LGSN: variants seen among roughly 807,000 people sequenced by gnomAD.
The protein encoded by LGSN is lengsin.
LGSN carries 21 observed loss-of-function variants against 19.5 expected under a neutral mutation model. The observed-to-expected ratio is 1.07, with a 90% confidence interval of 0.76 to 1.55. LGSN has a LOEUF of 1.55. LGSN is among the 40% of genes most tolerant of loss of function. The probability of loss-of-function intolerance (pLI) is 0.00; values close to 1 mark genes in which losing one functional copy is unlikely to be tolerated. For missense variants in LGSN, 673 were observed against 608.5 expected, an observed-to-expected ratio of 1.11 and a Z score of -1.12; for synonymous variants, 257 against 215.6, an observed-to-expected ratio of 1.19 and a Z score of -1.68.
At chr6:63,325,612 G>A in the LGSN span, among the ~76,000 whole-genome samples, 6 of 152,320 alleles carry the variant, frequency 3.9e-5, no homozygotes, top group South Asian at 6.2e-4. Context: ...TCCGGAATTG[G>A]TGGGTTCTGG....
At chr6:63,502,504 A>G in the LGSN span, among the ~76,000 whole-genome samples, 3 of 152,334 alleles carry the variant, frequency 2.0e-5, no homozygotes, top group East Asian at 5.8e-4. Flanking sequence ...CACCACCAAA[A>G]AAGTGCATTA....
chr6:63,384,171 T>C, the LGSN span, among the ~76,000 whole-genome samples: 1 of 152,206 alleles, frequency 6.6e-6, no homozygotes, highest in Non-Finnish European at 1.5e-5. Context: ...TTTTCCATGC[T>C]TGAAGGGCCC....
the LGSN span, among the ~76,000 whole-genome samples, chr6:63,543,316 CT>C: frequency 6.6e-6 from 1 of 152,198 alleles, no homozygotes; most frequent in South Asian, 2.1e-4. Flanking sequence ...GATCTGAAAA[CT>C]TATTTTTCTT....
intron 3 of LGSN, 115 bp from the exon 4 acceptor site, chr6:63,281,335 A>ATAAATAT (rs1554170069): frequency 6.9e-6 from 1 of 144,086 alleles, no homozygotes; most frequent in Non-Finnish European, 1.4e-5. Flanking sequence ...ATATATAATA[A>ATAAATAT]ATATATATAT....
the LGSN span, among the ~76,000 whole-genome samples, chr6:63,363,836 G>A: frequency 2.0e-5 from 3 of 152,046 alleles, no homozygotes; most frequent in African/African-American, 4.8e-5. Flanking sequence ...TCAAATTCAG[G>A]AAATACAGAG....
At chr6:63,544,855 G>A in the LGSN span, among the ~76,000 whole-genome samples, 1 of 152,198 alleles carries the variant, frequency 6.6e-6, no homozygotes, top group African/African-American at 2.4e-5. Flanking sequence ...TTGGTCACTT[G>A]GTCATGGTGA....
At chr6:63,441,367 C>A in the LGSN span, 1 of 469,854 alleles carries the variant, frequency 2.1e-6, no homozygotes, top group South Asian at 1.9e-5. Flanking sequence ...AGGCTGGTCA[C>A]CTTGTCGTCA....
the LGSN span, among the ~76,000 whole-genome samples, chr6:63,525,771 CCT>C: frequency 6.6e-6 from 1 of 152,130 alleles, no homozygotes; most frequent in Non-Finnish European, 1.5e-5. Context: ...TCCTTTTTCC[CCT>C]GTCAGTCCTC....
At chr6:63,559,186 T>C in the LGSN span, among the ~76,000 whole-genome samples, 2 of 152,190 alleles carry the variant, frequency 1.3e-5, no homozygotes, top group Admixed American at 6.5e-5. Context: ...AATAACATGC[T>C]AATGAGGAAA....
At chr6:63,493,483 C>G in the LGSN span, among the ~76,000 whole-genome samples, 2 of 151,394 alleles carry the variant, frequency 1.3e-5, no homozygotes, top group East Asian at 1.9e-4. Context: ...GCAGGACTGT[C>G]CAGATGTTCA....
chr6:63,349,026 G>A, the LGSN span, among the ~76,000 whole-genome samples: 9 of 152,134 alleles, frequency 5.9e-5, no homozygotes, highest in Non-Finnish European at 1.3e-4. Context: ...TTGAAGATAA[G>A]GAAAAGGGGG....
the LGSN span, among the ~76,000 whole-genome samples, chr6:63,340,632 A>G: frequency 1.4e-5 from 2 of 142,572 alleles, no homozygotes; most frequent in Non-Finnish European, 3.1e-5. Context: ...TTTTAATGAT[A>G]TCTATCTCTT....
At chr6:63,568,936 A>G in the LGSN span, among the ~76,000 whole-genome samples, 1 of 151,990 alleles carries the variant, frequency 6.6e-6, no homozygotes. Context: ...TCTATTACAT[A>G]TATTTGCTAG....
At chr6:63,369,839 C>T in the LGSN span, among the ~76,000 whole-genome samples, 1 of 152,028 alleles carries the variant, frequency 6.6e-6, no homozygotes, top group Non-Finnish European at 1.5e-5. Flanking sequence ...CCCATCTCTA[C>T]TAAAATACAA....
the LGSN span, among the ~76,000 whole-genome samples, chr6:63,371,548 T>G: frequency 6.6e-6 from 1 of 152,246 alleles, no homozygotes; most frequent in African/African-American, 2.4e-5. Context: ...GTGTTGATAT[T>G]TCTGCTGTAC....
chr6:63,548,831 G>A, the LGSN span: 1 of 753,138 alleles, frequency 1.3e-6, no homozygotes, highest in Non-Finnish European at 2.4e-6. Context: ...ATCTGTCATT[G>A]TAGTCAGTCC....
the LGSN span, among the ~76,000 whole-genome samples, chr6:63,553,911 A>C: frequency 7.2e-5 from 11 of 152,188 alleles, no homozygotes; most frequent in Non-Finnish European, 1.5e-5. Context: ...TTTAAAACAG[A>C]AAATACGAAA....
chr6:63,565,063 T>C, the LGSN span, among the ~76,000 whole-genome samples: 6 of 152,128 alleles, frequency 3.9e-5, no homozygotes, highest in African/African-American at 2.4e-5. Flanking sequence ...CCAGATGGAG[T>C]GCAGTGGCAT....
At chr6:63,291,557 C>T (rs1230448503) in intron 2 of LGSN, among the ~76,000 whole-genome samples, 4 of 152,188 alleles carry the variant, frequency 2.6e-5, no homozygotes, top group Non-Finnish European at 5.9e-5. Flanking sequence ...ATTCTGTTCT[C>T]CTGCTCTGTC....
Sources: gnomAD v4.1 joint callset for allele counts (sites outside exome capture counted in the v4.1 genomes callset) on GRCh38, gnomAD v4.1.1 for gene constraint, MANE v1.5 for transcripts, NCBI Gene and HGNC (gene_info 2026-07-23, HGNC 2026-07-21) for gene names.